The following IQCN variants were observed in gnomAD, a reference collection of about 807,000 sequenced individuals.
IQCN encodes IQ motif containing N, also known as IQ domain-containing protein N.
A neutral mutation model predicts 64.4 loss-of-function variants in IQCN; 46 were observed. The observed-to-expected ratio is 0.71, with a 90% CI of 0.56 to 0.91. IQCN has a LOEUF of 0.91. Among genes scored for constraint, IQCN ranks in the 40% least tolerant of loss-of-function variants. The probability of loss-of-function intolerance (pLI) is 0.00; values close to 1 mark genes in which losing one functional copy is unlikely to be tolerated. For missense variants in IQCN, 1,753 were observed against 1,857.4 expected (o/e 0.94, Z 1.03); for synonymous variants, 733 against 775.6 (o/e 0.95, Z 0.91).
Position 18,264,467 on chromosome 19 carries a change from T to C in IQCN, c.3073A>G (p.Ser1025Gly), listed in dbSNP as rs1969498446. Residue 1025 changes from serine to glycine, a missense_variant, in exon 3 of 4, where the codon AGC becomes GGC. Physicochemically the swap from Ser to Gly is moderately conservative, Grantham distance 56 (BLOSUM62 0). Transcript: ENST00000392413. The surrounding 1 kb of genome is among the most constrained non-coding windows in gnomAD (Gnocchi z 4.3). ...AGGGCCGGCGTCTTAGTCACCCCGC[T>C]TCCTGTTGATTTCGAGGCGGCCTTG... The part of the protein sequence containing the change: ...LPKAASKSTG[S>G]GVTKTPALVK... 1 of 1,551,254 alleles carries C rather than the reference T, an allele frequency of 6.4e-7. No individual in the cohort carries two copies. The highest frequency in any genetic ancestry group is 1.2e-5 in the South Asian group (1 of 84,044).
Position 18,265,713 on chromosome 19 carries a change from G to A in IQCN, c.1827C>T (p.Gly609=). ...TGTCTGTTTTCGCCTGTTTCTGGGT[G>A]CCAGTCTTGATTTTCTCGGCTTCCA... ...LPLEAEKIKT[G]TQKQAKTDMA... Residue 609 remains glycine (G), a synonymous_variant, in exon 3 of 4, where the codon GGC becomes GGT. Transcript: ENST00000392413. This position sits in a 1 kb window ranked among gnomAD's most constrained non-coding sequence, Gnocchi z 4.7. The A allele has an allele frequency of 6.2e-7, 1 of 1,614,174 alleles. No individual in the cohort carries two copies. Among genetic ancestry groups the A allele is most frequent in the Non-Finnish European group, 8.5e-7 (1 of 1,180,030 alleles).
At position 18,264,190 on chromosome 19, in the gene IQCN, G is replaced by A. The variant is rs1276270718; in HGVS notation, c.3177+173C>T. 6.6e-6 allele frequency among the ~76,000 whole-genome samples: 1 copy of A among 152,054 alleles called. No individual in the cohort carries two copies. Among genetic ancestry groups the A allele is most frequent in the African/African-American group, 2.4e-5 (1 of 41,388 alleles). Reference sequence around the variant, plus strand: ...ATGGGATACAGGCCAGTGATCAGGGGACCCTGGTGAATGCTGGTGATGACG... The same window carrying A: ...ATGGGATACAGGCCAGTGATCAGGGAACCCTGGTGAATGCTGGTGATGACG... On this transcript the variant is annotated intron_variant, in intron 3 of 3. Transcript: ENST00000392413. This position sits in a 1 kb window ranked among gnomAD's most constrained non-coding sequence, Gnocchi z 4.3.
At position 18,266,966 on chromosome 19, in the gene IQCN, T is replaced by C. The variant is rs1472954786; in HGVS notation, c.574A>G (p.Thr192Ala). The C allele has an allele frequency of 3.1e-6, 5 of 1,613,420 alleles. No individual in the cohort carries two copies. The highest frequency in any genetic ancestry group is 2.5e-6 in the Non-Finnish European group (3 of 1,179,484). Reference protein sequence around the residue: ...LSPPIMVNKETQFPSCDNLVL... With the variant: ...LSPPIMVNKEAQFPSCDNLVL... ...AGATTGTCACAGGAAGGGAACTGGG[T>C]CTCCTTGTTCACCATGATGGGCGGG... Residue 192 changes from threonine (T) to alanine (A), a missense_variant, in exon 3 of 4, where the codon ACC becomes GCC. By Grantham distance (58) the Thr-to-Ala change is moderately conservative. Transcript: ENST00000392413. The surrounding 1 kb of genome is among the most constrained non-coding windows in gnomAD (Gnocchi z 4.3).
At chr19:18,258,316 CG>C in intron 3 of IQCN, 1 of 706,722 alleles carries the variant, frequency 1.4e-6, no homozygotes, top group Non-Finnish European at 2.6e-6. Flanking sequence ...GTGCGGATGA[CG>C]GGCCTTACCT....
intron 1 of IQCN, among the ~76,000 whole-genome samples, chr19:18,271,579 T>C (rs1969736580): frequency 6.6e-6 from 1 of 151,606 alleles, no homozygotes; most frequent in Non-Finnish European, 1.5e-5. Context: ...TTGGAGAAAG[T>C]ATGGTCCCGC....
At position 18,266,890 on chromosome 19, in the gene IQCN, T is replaced by A. The variant is rs756381666; in HGVS notation, c.650A>T (p.Gln217Leu). 1.1e-5 allele frequency: 18 copies of A among 1,609,108 alleles called. No homozygotes were observed. Among genetic ancestry groups the A allele is most frequent in the South Asian group, 3.3e-5 (3 of 90,680 alleles). ...CTGCACACAGGGCTCTGGGGTACCC[T>A]GAGCTGCTGGGGGCTGCAGGAGGGG... ...SSPLLQPPAA[Q>L]GTPEPCVQGP... The change falls in exon 3 of 4, where the codon CAG (glutamine) becomes CTG (leucine). Residue 217 changes from glutamine (Q) to leucine (L), a missense_variant. Gln to Leu is a moderately radical substitution (Grantham distance 113). Coordinates refer to ENST00000392413, the MANE Select transcript of IQCN (RefSeq NM_001145304.2). The surrounding 1 kb of genome is among the most constrained non-coding windows in gnomAD (Gnocchi z 4.3).
chr19:18,264,523 C>T lies in IQCN; in HGVS notation c.3017G>A (p.Arg1006Gln), dbSNP rs1969500484. ...GATGGTTCCAGTCCTCAGGGCCACCCGACACCAAGACTGGCTCAGGAGAGC... is the reference window on the plus strand; with the variant it reads ...GATGGTTCCAGTCCTCAGGGCCACCTGACACCAAGACTGGCTCAGGAGAGC... ...LGALLSQSWCRVALRTGTILP... is the reference protein window; with the variant it reads ...LGALLSQSWCQVALRTGTILP... The change falls in exon 3 of 4, where the codon CGG (arginine) becomes CAG (glutamine). Residue 1006 changes from arginine (R) to glutamine (Q), a missense_variant. Coordinates refer to ENST00000392413, the MANE Select transcript of IQCN (RefSeq NM_001145304.2). This position sits in a 1 kb window ranked among gnomAD's most constrained non-coding sequence, Gnocchi z 4.3. 2.7e-5 allele frequency: 42 copies of T among 1,551,410 alleles called. No individual in the cohort carries two copies. Among genetic ancestry groups the T allele is most frequent in the Non-Finnish European group, 3.4e-5 (39 of 1,146,934 alleles).
chr19:18,272,291 C>G (rs965381381), intron 1 of IQCN, among the ~76,000 whole-genome samples: 13 of 150,146 alleles, frequency 8.7e-5, no homozygotes, highest in African/African-American at 2.9e-4. Flanking sequence ...CCACGCCTAG[C>G]AAATTTTTGT....
At chr19:18,262,738 G>C (rs1260741974) in intron 3 of IQCN, 2 of 152,294 alleles carry the variant, frequency 1.3e-5, no homozygotes, top group African/African-American at 4.8e-5. Flanking sequence ...TGCTGGGATA[G>C]GCTTGGGGCC....
At chr19:18,274,274 T>C (rs1969803779) in intron 1 of IQCN, 129 bp downstream of exon 1, 1 of 142,260 alleles carries the variant, frequency 7.0e-6, no homozygotes, top group African/African-American at 2.6e-5. Context: ...CTAAAGGCAC[T>C]GGGGGCCAGA....
At chr19:18,270,711 G>A (rs938044750) in intron 1 of IQCN, among the ~76,000 whole-genome samples, 5 of 151,668 alleles carry the variant, frequency 3.3e-5, no homozygotes, top group Admixed American at 6.6e-5. Flanking sequence ...GGAGTGCAGC[G>A]TCACAATCTC....
chr19:18,261,538 ACATCTCAGTGGGCTGAGATGGGTAGG>A (rs1484357892), intron 3 of IQCN: 67 of 86,262 alleles, frequency 7.8e-4, no homozygotes, highest in African/African-American at 2.5e-3. Flanking sequence ...GGGCTTGGGG[ACATCTCAGTGGGCTGAGATGGGTAGG>A]CTGGGCTTGG....
At position 18,264,984 on chromosome 19, in the gene IQCN, G is replaced by T. The variant is rs773834326; in HGVS notation, c.2556C>A (p.Asn852Lys). 1 of 1,607,006 alleles carries T rather than the reference G, an allele frequency of 6.2e-7. No homozygotes were observed. The change falls in exon 3 of 4, where the codon AAC becomes AAA. Residue 852 changes from asparagine to lysine, a missense_variant. Transcript: ENST00000392413. This position sits in a 1 kb window ranked among gnomAD's most constrained non-coding sequence, Gnocchi z 4.3. ...TTGATGGCTGGGCACGTGTGGCTCC[G>T]TTGTCTCCCCAGGACTCAACGTTGC... ...STCNVESWGDNGATRAQPSMP... is the reference protein window; with the variant it reads ...STCNVESWGDKGATRAQPSMP...
chr19:18,266,898 T>TG lies in IQCN; in HGVS notation c.641dup (p.Ala215SerfsTer63). On this transcript the variant is annotated frameshift_variant, in exon 3 of 4. Transcript: ENST00000392413. LOFTEE classifies it high-confidence loss of function. The surrounding 1 kb of genome is among the most constrained non-coding windows in gnomAD (Gnocchi z 4.3). ...AGGGCTCTGGGGTACCCTGAGCTGCTGGGGGCTGCAGGAGGGGGGACGACT... is the reference window on the plus strand; with the variant it reads ...AGGGCTCTGGGGTACCCTGAGCTGCTGGGGGGCTGCAGGAGGGGGGACGACT... 6.2e-7 allele frequency: 1 copy of TG among 1,608,202 alleles called. No individual in the cohort carries two copies. Among genetic ancestry groups the TG allele is most frequent in the Non-Finnish European group, 8.5e-7 (1 of 1,176,084 alleles).
chr19:18,269,901 G>A (rs1219954101), intron 1 of IQCN, among the ~76,000 whole-genome samples: 1 of 151,890 alleles, frequency 6.6e-6, no homozygotes, highest in Non-Finnish European at 1.5e-5. Flanking sequence ...AATCATACAA[G>A]GGCATGATAT....
Position 18,265,676 on chromosome 19 carries a change from T to A in IQCN, c.1864A>T (p.Thr622Ser). 6.2e-7 allele frequency: 1 copy of A among 1,614,112 alleles called. No individual in the cohort carries two copies. The highest frequency in any genetic ancestry group is 2.2e-5 in the East Asian group (1 of 44,882). The change falls in exon 3 of 4, where the codon ACC (threonine) becomes TCC (serine). Residue 622 changes from threonine (T) to serine (S), a missense_variant. By Grantham distance (58) the Thr-to-Ser change is moderately conservative (BLOSUM62 1). Coordinates refer to ENST00000392413, the MANE Select transcript of IQCN (RefSeq NM_001145304.2). The surrounding 1 kb of genome is among the most constrained non-coding windows in gnomAD (Gnocchi z 4.7). Reference sequence around the variant, plus strand: ...CCAGCCATTTCCACTGCCACACTGGTCTTAAATGCCATGTCTGTTTTCGCC... The same window carrying A: ...CCAGCCATTTCCACTGCCACACTGGACTTAAATGCCATGTCTGTTTTCGCC... ...KQAKTDMAFK[T>S]SVAVEMAGAP...
At chr19:18,269,663 G>C in intron 1 of IQCN, 76 bp from the exon 2 acceptor site, 4 of 408,726 alleles carry the variant, frequency 9.8e-6, no homozygotes, top group East Asian at 3.8e-5. Flanking sequence ...TTCTAAAAAA[G>C]CTAAATTCTA....
In IQCN at chr19:18,257,217, G is replaced by A. The variant is rs375163242; in HGVS notation, c.4067C>T (p.Ser1356Leu). Residue 1356 changes from serine to leucine, a missense_variant, in exon 4 of 4, where the codon TCG becomes TTG. Physicochemically the swap from Ser to Leu is moderately radical, Grantham distance 145 (BLOSUM62 -2). Transcript: ENST00000392413. ...TEALLGPADP[S>L]ASSRHMHWPG... ...CCAATGCATGTGCCGTGAGCTGGCCGAGGGGTCTGCTGGTCCCAAGAGCGC... is the reference window on the plus strand; with the variant it reads ...CCAATGCATGTGCCGTGAGCTGGCCAAGGGGTCTGCTGGTCCCAAGAGCGC... 1.4e-5 allele frequency: 23 copies of A among 1,613,462 alleles called. No individual in the cohort carries two copies. The highest frequency in any genetic ancestry group is 5.3e-5 in the African/African-American group (4 of 74,952).
At chr19:18,273,360 G>A (rs1225403045) in intron 1 of IQCN, among the ~76,000 whole-genome samples, 2 of 150,284 alleles carry the variant, frequency 1.3e-5, no homozygotes, top group South Asian at 2.1e-4. Flanking sequence ...TCTTTGAGAC[G>A]GAATTTCACT....
Sources: allele counts gnomAD v4.1 joint callset (sites outside exome capture counted in the v4.1 genomes callset), GRCh38; gene constraint gnomAD v4.1.1; non-coding constraint Gnocchi (gnomAD v3.1); transcripts MANE v1.5; gene names NCBI Gene and HGNC (gene_info 2026-07-23, HGNC 2026-07-21).